The following RHOBTB3 variants were observed in gnomAD, a reference collection of about 807,000 sequenced individuals.
RHOBTB3 encodes rho-related BTB domain-containing protein 3.
RHOBTB3 carries 47 observed loss-of-function variants against 67.2 expected under a neutral mutation model. The observed-to-expected ratio is 0.70, with a 90% CI of 0.55 to 0.89. The LOEUF is 0.89. RHOBTB3 is among the 40% of genes least tolerant of loss of function. The pLI is 0.00. For missense variants in RHOBTB3, 631 were observed against 750.0 expected, an observed-to-expected ratio of 0.84 and a Z score of 1.85; for synonymous variants, 273 against 274.2, an observed-to-expected ratio of 1.00 and a Z score of 0.04.
intron 6 of RHOBTB3, among the ~76,000 whole-genome samples, chr5:95,756,630 A>G (rs1239050973): frequency 6.6e-6 from 1 of 152,186 alleles, no homozygotes; most frequent in African/African-American, 2.4e-5. Flanking sequence ...CAAACTGTGC[A>G]CAAGGGTTCC....
chr5:95,766,789 C>T (rs978256876), intron 7 of RHOBTB3, among the ~76,000 whole-genome samples: 2 of 151,992 alleles, frequency 1.3e-5, no homozygotes, highest in Admixed American at 6.6e-5. Flanking sequence ...CAGCCAGGCG[C>T]GACAGGACAG....
At position 95,737,191 on chromosome 5, in the gene RHOBTB3, G is replaced by T. The variant is rs1004852081; in HGVS notation, c.415+116G>T. 6.3e-6 allele frequency: 4 copies of T among 632,356 alleles called. No homozygotes were observed. The Admixed American group carries it at 1.1e-4, about 17-fold the overall frequency. The allele number at this position is 632,356 out of a possible 1,614,324, so 39.2% of individuals were successfully genotyped here. ...GTTTTTGAAAACCAAAATGACTTTG[G>T]TTCAATGCCAGCTGCTATCGCTTCA... On this transcript the variant is annotated intron_variant, in intron 3 of 11. Transcript: ENST00000379982.
intron 3 of RHOBTB3, among the ~76,000 whole-genome samples, chr5:95,743,712 C>A (rs1372711590): frequency 1.0e-5 from 1 of 99,458 alleles, no homozygotes; most frequent in Admixed American, 1.0e-4. Flanking sequence ...TCCTCCCCCC[C>A]ATTTTTTTTT....
intron 8 of RHOBTB3, among the ~76,000 whole-genome samples, chr5:95,776,603 CT>C (rs1459043658): frequency 6.6e-6 from 1 of 152,048 alleles, no homozygotes; most frequent in Admixed American, 6.5e-5. Context: ...AGAATGGAAT[CT>C]ATGGAACAAT....
chr5:95,719,886 A>G (rs1002317827), intron 1 of RHOBTB3: 2 of 152,230 alleles, frequency 1.3e-5, no homozygotes, highest in Admixed American at 6.5e-5. Flanking sequence ...GTATAGTTCT[A>G]ATAAAAGTGT....
chr5:95,746,978 G>A (rs1017206449), intron 3 of RHOBTB3, among the ~76,000 whole-genome samples: 7 of 152,202 alleles, frequency 4.6e-5, no homozygotes, highest in Non-Finnish European at 7.3e-5. Flanking sequence ...TCATTCACAG[G>A]GAAGTTGCTG....
intron 2 of RHOBTB3, among the ~76,000 whole-genome samples, chr5:95,733,340 G>A (rs1314258707): frequency 1.3e-5 from 2 of 152,152 alleles, no homozygotes; most frequent in Non-Finnish European, 2.9e-5. Flanking sequence ...ATCTTTCGTT[G>A]TGAAAGATCT....
At chr5:95,792,969 T>C in intron 11 of RHOBTB3, 90 bp from the exon 12 acceptor site, 2 of 831,244 alleles carry the variant, frequency 2.4e-6, no homozygotes. Flanking sequence ...GAGCTGGATC[T>C]CATCTATTAA....
Position 95,752,330 on chromosome 5 carries a change from C to T in RHOBTB3, c.662C>T (p.Pro221Leu), listed in dbSNP as rs1561445301. 7 of 1,601,296 alleles carry T rather than the reference C, an allele frequency of 4.4e-6. No individual in the cohort carries two copies. The highest frequency in any genetic ancestry group is 6.0e-6 in the Non-Finnish European group (7 of 1,173,622). Residue 221 changes from proline to leucine, a missense_variant, in exon 5 of 12, where the codon CCA becomes CTA. Pro to Leu is a moderately conservative substitution (Grantham distance 98). Coordinates refer to ENST00000379982, the MANE Select transcript of RHOBTB3 (RefSeq NM_014899.4). ...AGCAACTCCTTTCATGGAATTAGAC[C>T]ACCTCAACTTGAACAACCAGGTGCA... ...KMSNSFHGIR[P>L]PQLEQPEKMP...
In RHOBTB3 at chr5:95,781,411, A is replaced by C. The variant is rs1746041649; in HGVS notation, c.1456+986A>C. The C allele has an allele frequency of 3.3e-5, 5 of 152,388 alleles. No individual in the cohort carries two copies. The South Asian group carries it at 1.0e-3, about 32-fold the overall frequency. The allele number at this position is 152,388 out of a possible 1,614,324, so 9.4% of individuals were successfully genotyped here. A position where few individuals can be genotyped will look rare whatever the true frequency, so the allele number is the denominator to read the frequency against. On this transcript the variant is annotated intron_variant, in intron 9 of 11. Transcript: ENST00000379982. ...GTTTCTTACACTGGGTATTGAAATA[A>C]GTTTTAAACAAGTCATGAGCCCTCT...
intron 7 of RHOBTB3, among the ~76,000 whole-genome samples, chr5:95,766,901 G>A (rs570197456): frequency 3.3e-5 from 5 of 152,260 alleles, no homozygotes; most frequent in Non-Finnish European, 5.9e-5. Flanking sequence ...AGGACAATTA[G>A]GATTATAAGA....
At position 95,794,024 on chromosome 5, in the gene RHOBTB3, G is replaced by A. The variant is rs1428709254; in HGVS notation, c.*850G>A. The A allele has an allele frequency of 4.4e-6, 2 of 456,086 alleles. No individual in the cohort carries two copies. The highest frequency in any genetic ancestry group is 4.4e-6 in the Non-Finnish European group (1 of 226,962). The allele number at this position is 456,086 out of a possible 1,614,324, so 28.3% of individuals were successfully genotyped here. A position where few individuals can be genotyped will look rare whatever the true frequency, so the allele number is the denominator to read the frequency against. On this transcript the variant is annotated 3_prime_UTR_variant, in exon 12 of 12. Coordinates refer to ENST00000379982, the MANE Select transcript of RHOBTB3 (RefSeq NM_014899.4). Reference sequence around the variant, plus strand: ...ACCTTTCTCTCTGAAAGCAGAAAAAGGCACTGATATAAAGGGAAGAGAAGG... The same window carrying A: ...ACCTTTCTCTCTGAAAGCAGAAAAAAGCACTGATATAAAGGGAAGAGAAGG...
intron 11 of RHOBTB3, 104 bp from the exon 12 acceptor site, chr5:95,792,955 C>A: frequency 1.4e-6 from 1 of 727,084 alleles, no homozygotes. Context: ...GGAGATGTAT[C>A]ACAGAGCTGG....
rs567581429 is a variant in RHOBTB3 at position 95,793,918 on chromosome 5, C to G, written c.*744C>G. On this transcript the variant is annotated 3_prime_UTR_variant, in exon 12 of 12. Coordinates refer to ENST00000379982, the MANE Select transcript of RHOBTB3 (RefSeq NM_014899.4). Reference sequence around the variant, plus strand: ...TTCTTAATAATGTTTGAAGAAGGGCCCCATGATTTCATTTTGTGCTGAGCC... The same window carrying G: ...TTCTTAATAATGTTTGAAGAAGGGCGCCATGATTTCATTTTGTGCTGAGCC... The G allele has an allele frequency of 5.0e-4, 221 of 445,148 alleles. No individual in the cohort carries two copies. Among genetic ancestry groups the G allele is most frequent in the Admixed American group, 1.5e-3 (61 of 40,338 alleles). 27.6% of individuals were successfully genotyped at this position (445,148 alleles called of 1,614,324 possible).
At chr5:95,739,970 C>A (rs2431342) in intron 3 of RHOBTB3, among the ~76,000 whole-genome samples, 73,887 of 152,002 alleles carry the variant, frequency 0.49, 18,557 homozygotes, top group East Asian at 0.82. Context: ...ACACAAATCT[C>A]ACGTTGAATT....
intron 4 of RHOBTB3, among the ~76,000 whole-genome samples, chr5:95,750,767 G>A (rs1745067683): frequency 6.6e-6 from 1 of 152,106 alleles, no homozygotes; most frequent in Non-Finnish European, 1.5e-5. Context: ...TGGGGAATGG[G>A]GGAGGGGACA....
chr5:95,742,602 G>T (rs573490020), intron 3 of RHOBTB3, among the ~76,000 whole-genome samples: 1 of 152,132 alleles, frequency 6.6e-6, no homozygotes, highest in Admixed American at 6.5e-5. Flanking sequence ...ATTTCTTTGT[G>T]TTGCATTATG....
At position 95,794,011 on chromosome 5, in the gene RHOBTB3, G is replaced by C. The variant is rs767088080; in HGVS notation, c.*837G>C. On this transcript the variant is annotated 3_prime_UTR_variant, in exon 12 of 12. Transcript: ENST00000379982. ...TTCTTGCTCAAACACCTTTCTCTCT[G>C]AAAGCAGAAAAAGGCACTGATATAA... is the stretch of plus-strand genomic sequence containing the variant. 7 of 456,204 alleles carry C rather than the reference G, an allele frequency of 1.5e-5. No individual in the cohort carries two copies. Among genetic ancestry groups the C allele is most frequent in the Non-Finnish European group, 2.6e-5 (6 of 226,952 alleles). The allele number at this position is 456,204 out of a possible 1,614,324, so 28.3% of individuals were successfully genotyped here.
chr5:95,733,128 G>A (rs1039177762), intron 2 of RHOBTB3, among the ~76,000 whole-genome samples: 3 of 152,094 alleles, frequency 2.0e-5, no homozygotes, highest in African/African-American at 7.2e-5. Flanking sequence ...ATAACAGAAC[G>A]AAAAGATCAC....
Sources: allele counts gnomAD v4.1 joint callset (sites outside exome capture counted in the v4.1 genomes callset), GRCh38; gene constraint gnomAD v4.1.1; transcripts MANE v1.5; gene names NCBI Gene and HGNC (gene_info 2026-07-23, HGNC 2026-07-21).